SCARB1: variants seen among roughly 807,000 people sequenced by gnomAD.
The protein encoded by SCARB1 is CD36 and LIMPII analogous 1.
In SCARB1, 30 loss-of-function variants were observed where a neutral mutation model predicts 57.2. The ratio of observed to expected loss-of-function variants is 0.52; its 90% CI spans 0.39 to 0.71. The LOEUF (loss-of-function observed/expected upper bound fraction) is 0.71. Ranked by LOEUF, SCARB1 falls within the 30% of genes least tolerant of loss-of-function variation. The probability of loss-of-function intolerance (pLI) is 0.00; values close to 1 mark genes in which losing one functional copy is unlikely to be tolerated. For missense variants in SCARB1, 543 were observed against 671.2 expected, an observed-to-expected ratio of 0.81 and a Z score of 2.11; for synonymous variants, 249 against 268.3, an observed-to-expected ratio of 0.93 and a Z score of 0.70.
chr12:124,842,732 C>T (rs1951953446), intron 1 of SCARB1, among the ~76,000 whole-genome samples: 1 of 152,224 alleles, frequency 6.6e-6, no homozygotes, highest in Non-Finnish European at 1.5e-5. Flanking sequence ...GTGTGCCCCA[C>T]GACCCCACAT....
intron 7 of SCARB1, among the ~76,000 whole-genome samples, chr12:124,803,453 C>T (rs1950204609): frequency 6.6e-6 from 1 of 151,904 alleles, no homozygotes; most frequent in African/African-American, 2.4e-5. Context: ...CGCTTGTAGT[C>T]CCAGCTACTC....
intron 7 of SCARB1, among the ~76,000 whole-genome samples, chr12:124,804,108 C>T (rs184018600): frequency 1.6e-4 from 25 of 152,302 alleles, no homozygotes; most frequent in African/African-American, 6.0e-4. Flanking sequence ...GGGGCCGGCC[C>T]ACCCAGGAGC....
rs1186959427 is a variant in SCARB1, at chr12:124,777,036, T to C, written c.*1551A>G. ...CATAAAAGAGCTTGTTCGTATATTC[T>C]TTGAAATGTTCGGCAGTGAATACCC... On this transcript the variant is annotated 3_prime_UTR_variant, in exon 13 of 13. Transcript: ENST00000261693. 6.6e-6 allele frequency: 1 copy of C among 152,212 alleles called. No individual in the cohort carries two copies. Among genetic ancestry groups the C allele is most frequent in the African/African-American group, 2.4e-5 (1 of 41,458 alleles). The allele number at this position is 152,212 out of a possible 1,614,324, so 9.4% of individuals were successfully genotyped here.
intron 12 of SCARB1, among the ~76,000 whole-genome samples, chr12:124,779,714 C>T (rs1247203146): frequency 6.6e-6 from 1 of 151,846 alleles, no homozygotes; most frequent in Non-Finnish European, 1.5e-5. Context: ...CCCCTGCCTC[C>T]CTTGCCCTGA....
At chr12:124,838,622 T>C (rs1269920316) in intron 1 of SCARB1, among the ~76,000 whole-genome samples, 1 of 152,054 alleles carries the variant, frequency 6.6e-6, no homozygotes, top group Non-Finnish European at 1.5e-5. Context: ...AATTTGACCC[T>C]GGCCAACAGG....
intron 2 of SCARB1, 49 bp from the exon 3 acceptor site, chr12:124,815,163 G>C (rs767134707): frequency 6.2e-7 from 1 of 1,603,434 alleles, no homozygotes; most frequent in African/African-American, 1.3e-5. Context: ...TGCATGGGAC[G>C]TTTCCCTTCT....
At position 124,863,711 on chromosome 12, in the gene SCARB1, A is replaced by G. The variant is rs1254591213; in HGVS notation, c.10T>C (p.Ser4Pro). The G allele has an allele frequency of 6.5e-7, 1 of 1,528,370 alleles. No homozygotes were observed. The highest frequency in any genetic ancestry group is 8.8e-7 in the Non-Finnish European group (1 of 1,137,106). 94.7% of individuals were successfully genotyped at this position (1,528,370 alleles called of 1,614,324 possible). A position where few individuals can be genotyped will look rare whatever the true frequency, so the allele number is the denominator to read the frequency against. MGCSAKARWAAGAL... is the reference protein window; with the variant it reads MGCPAKARWAAGAL... ...CCGGCAGCCCAGCGCGCTTTGGCGG[A>G]GCAGCCCATGTCTGCGCGCCTGGGG... Residue 4 changes from serine (S) to proline (P), a missense_variant, in exon 1 of 13, where the codon TCC becomes CCC. Transcript: ENST00000261693.
In SCARB1 at chr12:124,817,133, T is replaced by C; in HGVS notation, c.284+417A>G. The stretch of plus-strand genomic sequence containing the variant: ...GTACGTGTGTATGTATGTATGTGTG[T>C]ATGTGTATGTGTATGTGTGTGTATG... On this transcript the variant is annotated intron_variant, in intron 2 of 12. Coordinates refer to ENST00000261693, the MANE Select transcript of SCARB1 (RefSeq NM_005505.5). The surrounding 1 kb of genome is among the most constrained non-coding windows in gnomAD (Gnocchi z 4.8). Among the ~76,000 whole-genome samples the C allele has an allele frequency of 2.6e-5, 1 of 38,856 alleles. No individual in the cohort carries two copies. Among genetic ancestry groups the C allele is most frequent in the East Asian group, 4.8e-4 (1 of 2,086 alleles). 25.5% of individuals were successfully genotyped at this position (38,856 alleles called of 152,430 possible).
rs558222378 is a variant in SCARB1, at chr12:124,810,708, C to T, written c.727-419G>A. 1.3e-5 allele frequency among the ~76,000 whole-genome samples: 2 copies of T among 152,340 alleles called. No individual in the cohort carries two copies. Among genetic ancestry groups the T allele is most frequent in the East Asian group, 3.9e-4 (2 of 5,192 alleles). ...CATAATGGTGGCCACCACCGGGCAACCCCAAAACAGAACCTGTCAGGTTAA... is the reference window on the plus strand; with the variant it reads ...CATAATGGTGGCCACCACCGGGCAATCCCAAAACAGAACCTGTCAGGTTAA... On this transcript the variant is annotated intron_variant, in intron 5 of 12. Coordinates refer to ENST00000261693, the MANE Select transcript of SCARB1 (RefSeq NM_005505.5). This position sits in a 1 kb window ranked among gnomAD's most constrained non-coding sequence, Gnocchi z 4.0.
intron 9 of SCARB1, among the ~76,000 whole-genome samples, chr12:124,792,621 C>T (rs1445292981): frequency 1.3e-5 from 2 of 148,660 alleles, no homozygotes; most frequent in African/African-American, 5.0e-5. Flanking sequence ...ACTTGAGAGG[C>T]TGAGGCAGGA....
rs1301853416 is a variant in SCARB1, at chr12:124,807,156, G to T, written c.1009+605C>A. Reference sequence around the variant, plus strand: ...GCGGAGGTTGCAGTGAGCTGAAATGGCGCCACTGCACTCCAACCTGGGTAA... The same window carrying T: ...GCGGAGGTTGCAGTGAGCTGAAATGTCGCCACTGCACTCCAACCTGGGTAA... On this transcript the variant is annotated intron_variant, in intron 7 of 12. Coordinates refer to ENST00000261693, the MANE Select transcript of SCARB1 (RefSeq NM_005505.5). The surrounding 1 kb of genome is among the most constrained non-coding windows in gnomAD (Gnocchi z 5.3). 6.6e-6 allele frequency among the ~76,000 whole-genome samples: 1 copy of T among 152,080 alleles called. No homozygotes were observed. The highest frequency in any genetic ancestry group is 1.5e-5 in the Non-Finnish European group (1 of 68,006).
At chr12:124,863,502 T>C (rs1952986668) in intron 1 of SCARB1, 93 bp downstream of exon 1, 2 of 1,393,632 alleles carry the variant, frequency 1.4e-6, no homozygotes, top group Non-Finnish European at 2.0e-6. Flanking sequence ...TCCGCTGCGG[T>C]CGCCCACCCA....
rs1056584832 is a variant in SCARB1 at position 124,812,437 on chromosome 12, A to G, written c.631-472T>C. Reference sequence around the variant, plus strand: ...GAGCCTCCCTCAGCCTGGATCCCCAAGTGACCACCACAAGCGCGGGTGCCC... The same window carrying G: ...GAGCCTCCCTCAGCCTGGATCCCCAGGTGACCACCACAAGCGCGGGTGCCC... On this transcript the variant is annotated intron_variant, in intron 4 of 12. Transcript: ENST00000261693. This position sits in a 1 kb window ranked among gnomAD's most constrained non-coding sequence, Gnocchi z 4.3. Among the ~76,000 whole-genome samples the G allele has an allele frequency of 6.6e-6, 1 of 152,212 alleles. No individual in the cohort carries two copies. Among genetic ancestry groups the G allele is most frequent in the Non-Finnish European group, 1.5e-5 (1 of 68,026 alleles).
chr12:124,801,554 G>A (rs1263757699), intron 7 of SCARB1, among the ~76,000 whole-genome samples: 4 of 152,184 alleles, frequency 2.6e-5, no homozygotes, highest in South Asian at 4.1e-4. Context: ...AGGCCAAGGC[G>A]GGTGGATCAC....
chr12:124,803,154 T>C (rs1270525443), intron 7 of SCARB1, among the ~76,000 whole-genome samples: 2 of 152,200 alleles, frequency 1.3e-5, no homozygotes, highest in African/African-American at 4.8e-5. Context: ...CACATGAAGA[T>C]GCAAACCAGC....
chr12:124,837,188 A>G (rs111304029), intron 1 of SCARB1, among the ~76,000 whole-genome samples: 3 of 152,172 alleles, frequency 2.0e-5, no homozygotes, highest in African/African-American at 7.2e-5. Context: ...AATTTCTACC[A>G]GGGCTGATCC....
intron 8 of SCARB1, among the ~76,000 whole-genome samples, 160 bp from the exon 9 acceptor site, chr12:124,795,428 G>A (rs868291153): frequency 6.6e-6 from 1 of 151,710 alleles, no homozygotes; most frequent in South Asian, 2.1e-4. Flanking sequence ...GGCTGGGGGG[G>A]GTCAACAGTT....
At chr12:124,839,614 C>T (rs1342902178) in intron 1 of SCARB1, 1 of 984,854 alleles carries the variant, frequency 1.0e-6, no homozygotes, top group Admixed American at 6.1e-5. Flanking sequence ...TTTGGGGGGG[C>T]CTCCACACAG....
At chr12:124,821,260 G>GCA (rs960498184) in intron 1 of SCARB1, 4 of 238,756 alleles carry the variant, frequency 1.7e-5, no homozygotes, top group East Asian at 2.1e-4. Context: ...ACACACACAC[G>GCA]CACACACACG....
Sources: allele counts gnomAD v4.1 joint callset (sites outside exome capture counted in the v4.1 genomes callset), GRCh38; gene constraint gnomAD v4.1.1; non-coding constraint Gnocchi (gnomAD v3.1); transcripts MANE v1.5; gene names NCBI Gene and HGNC (gene_info 2026-07-23, HGNC 2026-07-21).